COL7A1: variants seen among roughly 807,000 people sequenced by gnomAD.
COL7A1 encodes collagen type VII alpha 1 chain, also known as collagen alpha-1(VII) chain.
Under a neutral mutation model 456.2 loss-of-function variants are expected in COL7A1, and 296 were observed. The observed-to-expected ratio is 0.65, with a 90% confidence interval of 0.59 to 0.71. The LOEUF is 0.71. Ranked by LOEUF, COL7A1 falls within the 30% of genes least tolerant of loss-of-function variation. The probability of loss-of-function intolerance (pLI) is 0.00; values close to 1 mark genes in which losing one functional copy is unlikely to be tolerated. For missense variants in COL7A1, 3,441 were observed against 4,017.2 expected, an observed-to-expected ratio of 0.86 and a Z score of 3.88; for synonymous variants, 1,464 against 1,525.9, an observed-to-expected ratio of 0.96 and a Z score of 0.95.
In COL7A1 at chr3:48,594,966, C is replaced by T. The variant is rs1364826100; in HGVS notation, c.85+109G>A. On this transcript the variant is annotated intron_variant, in intron 2 of 118. Coordinates refer to ENST00000681320, the MANE Select transcript of COL7A1 (RefSeq NM_000094.4). The surrounding 1 kb of genome is among the most constrained non-coding windows in gnomAD (Gnocchi z 5.5). Reference sequence around the variant, plus strand: ...GAATTAGGAGGAATCCGCGGGGCGTCGTGGAGTTGGCTGGGTTGTGGGCGG... The same window carrying T: ...GAATTAGGAGGAATCCGCGGGGCGTTGTGGAGTTGGCTGGGTTGTGGGCGG... 2 of 901,752 alleles carry T rather than the reference C, an allele frequency of 2.2e-6. No homozygotes were observed. The highest frequency in any genetic ancestry group is 5.3e-5 in the East Asian group (2 of 37,500). The allele number at this position is 901,752 out of a possible 1,614,324, so 55.9% of individuals were successfully genotyped here.
In COL7A1 at chr3:48,574,621, C is replaced by T. The variant is rs1242773114; in HGVS notation, c.6393+56G>A. 3 of 1,613,000 alleles carry T rather than the reference C, an allele frequency of 1.9e-6. No homozygotes were observed. The East Asian group carries it at 6.7e-5, about 36-fold the overall frequency. On this transcript the variant is annotated intron_variant, in intron 78 of 118. Coordinates refer to ENST00000681320, the MANE Select transcript of COL7A1 (RefSeq NM_000094.4). This position sits in a 1 kb window ranked among gnomAD's most constrained non-coding sequence, Gnocchi z 5.0. ...GCCCAGGTGCATATGCACACCACCT[C>T]TAGTGTGCCCCCAGAAAGGAGGGGG...
chr3:48,569,231 G>T lies in COL7A1; in HGVS notation c.7686+144C>A. On this transcript the variant is annotated intron_variant, in intron 103 of 118. Coordinates refer to ENST00000681320, the MANE Select transcript of COL7A1 (RefSeq NM_000094.4). The surrounding 1 kb of genome is among the most constrained non-coding windows in gnomAD (Gnocchi z 4.9). ...AGCCCTCCCTAGAGCCCCTCCTCTC[G>T]GCCACTCCATAGTCAGCCACAGAAC... 1 of 1,008,078 alleles carries T rather than the reference G, an allele frequency of 9.9e-7. No individual in the cohort carries two copies. The highest frequency in any genetic ancestry group is 1.5e-6 in the Non-Finnish European group (1 of 649,726). 62.4% of individuals were successfully genotyped at this position (1,008,078 alleles called of 1,614,324 possible). A position where few individuals can be genotyped will look rare whatever the true frequency, so the allele number is the denominator to read the frequency against.
Position 48,565,544 on chromosome 3 carries a change from G to T in COL7A1, c.8441-48C>A, listed in dbSNP as rs1278505525. The T allele has an allele frequency of 8.1e-6, 13 of 1,613,620 alleles. No individual in the cohort carries two copies. The highest frequency in any genetic ancestry group is 5.3e-5 in the African/African-American group (4 of 74,914). On this transcript the variant is annotated intron_variant, in intron 115 of 118. Transcript: ENST00000681320. The surrounding 1 kb of genome is among the most constrained non-coding windows in gnomAD (Gnocchi z 4.5). ...CAGGGCCCTGAAGTCACCATGGGCA[G>T]CCATCCCAGCCAACCCCCCTGAGAG...
rs746137913 is a variant in COL7A1, at chr3:48,591,761, C to A, written c.1419G>T (p.Gly473=). ...GGCGGTACTCAGTGCCCGGCTGCAG[C>A]CCATCCAACTGGTAGCGGGTCACAT... ...PSDVTRYQLD[G]LQPGTEYRLT... The change falls in exon 12 of 119, where the codon GGG becomes GGT. Residue 473 remains glycine, a synonymous_variant. Coordinates refer to ENST00000681320, the MANE Select transcript of COL7A1 (RefSeq NM_000094.4). The surrounding 1 kb of genome is among the most constrained non-coding windows in gnomAD (Gnocchi z 7.0). 2.5e-6 allele frequency: 4 copies of A among 1,614,186 alleles called. No homozygotes were observed. The highest frequency in any genetic ancestry group is 3.3e-5 in the Admixed American group (2 of 60,026).
At position 48,587,884 on chromosome 3, in the gene COL7A1, G is replaced by A. The variant is rs201424023; in HGVS notation, c.2766C>T (p.Asp922=). 2.3e-4 allele frequency: 371 copies of A among 1,611,302 alleles called. 5 individuals carry two copies. In the South Asian group the frequency reaches 2.7e-3, roughly 12 times the overall value. ...LGPELSSYHL[D]GLEPATQYRV... ...GGTACTGTGTCGCTGGCTCCAGCCC[G>A]TCCAGGTGATAGCTGCTGAGCTCGG... Residue 922 remains aspartate, a synonymous_variant, in exon 22 of 119, where the codon GAC becomes GAT. Transcript: ENST00000681320. This position sits in a 1 kb window ranked among gnomAD's most constrained non-coding sequence, Gnocchi z 6.1.
In COL7A1 at chr3:48,583,814, AC is replaced by A; in HGVS notation, c.4279-35del. 6.2e-7 allele frequency: 1 copy of A among 1,613,604 alleles called. No homozygotes were observed. Reference sequence around the variant, plus strand: ...AAGTGAGTAAAAATATGAGCCAAGAACTATGAAGCCCAGCACCCAACCACTG... The same window carrying A: ...AAGTGAGTAAAAATATGAGCCAAGAATATGAAGCCCAGCACCCAACCACTG... On this transcript the variant is annotated intron_variant, in intron 39 of 118. Transcript: ENST00000681320. The surrounding 1 kb of genome is among the most constrained non-coding windows in gnomAD (Gnocchi z 5.1).
rs756690615 is a variant in COL7A1, at chr3:48,576,767, C to T, written c.5609G>A (p.Arg1870His). Residue 1870 changes from arginine to histidine, a missense_variant, in exon 68 of 119, where the codon CGT (arginine) becomes CAT (histidine). By Grantham distance (29) the Arg-to-His change is conservative. This residue lies in a region of COL7A1 where 2,084 missense variants were observed against 2,501.3 expected (regional missense o/e 0.83). Transcript: ENST00000681320. ...GDSGASGREG[R>H]DGPKGERGAP... ...TCCACGCTCACCCTTGGGGCCATCA[C>T]GACCCTGTGAAGGATGCAGCCAGCA... 1.1e-4 allele frequency: 178 copies of T among 1,613,360 alleles called. No individual in the cohort carries two copies. The highest frequency in any genetic ancestry group is 4.9e-4 in the Middle Eastern group (3 of 6,082).
chr3:48,575,856 AAAC>A lies in COL7A1; in HGVS notation c.5856+8_5856+10del. The A allele has an allele frequency of 1.2e-6, 2 of 1,614,062 alleles. No homozygotes were observed. The highest frequency in any genetic ancestry group is 1.7e-6 in the Non-Finnish European group (2 of 1,180,010). ...CCACTTGTCCCTACCCCCAGCCCCTAAACAACCCACCTTGATGCCAGCAGTTTC... is the reference window on the plus strand; with the variant it reads ...CCACTTGTCCCTACCCCCAGCCCCTAAACCCACCTTGATGCCAGCAGTTTC... On this transcript the variant is annotated splice_region_variant and intron_variant, in intron 72 of 118. Coordinates refer to ENST00000681320, the MANE Select transcript of COL7A1 (RefSeq NM_000094.4). This position sits in a 1 kb window ranked among gnomAD's most constrained non-coding sequence, Gnocchi z 6.3.
At position 48,573,191 on chromosome 3, in the gene COL7A1, CG is replaced by C. The variant is rs749256529; in HGVS notation, c.6696del (p.Gly2233AlafsTer155). On this transcript the variant is annotated frameshift_variant, in exon 85 of 119. Transcript: ENST00000681320. LOFTEE classifies it high-confidence loss of function. This position sits in a 1 kb window ranked among gnomAD's most constrained non-coding sequence, Gnocchi z 5.5. The stretch of plus-strand genomic sequence containing the variant: ...TCACTCACCACAAGGCCTGAAGGGC[CG>C]GGGGGTCCAGGAAGTCCCACAGCTC... ...PTGAVGLPGP[P>X]GPSGLVGPQG... 1 of 1,614,054 alleles carries C rather than the reference CG, an allele frequency of 6.2e-7. No homozygotes were observed. Among genetic ancestry groups the C allele is most frequent in the Non-Finnish European group, 8.5e-7 (1 of 1,179,976 alleles).
chr3:48,574,503 A>C lies in COL7A1; in HGVS notation c.6441T>G (p.Gly2147=), dbSNP rs2044155068. 6.2e-7 allele frequency: 1 copy of C among 1,613,704 alleles called. No individual in the cohort carries two copies. The highest frequency in any genetic ancestry group is 1.1e-5 in the South Asian group (1 of 91,044). ...AAGGACTTACCGGGTTGCCGTCCTG[A>C]CCCCTCGGTCCAGGCTCTCCCCGGT... ...KGDRGEPGPR[G]QDGNPGLPGE... The change falls in exon 79 of 119, where the codon GGT becomes GGG. Residue 2147 remains glycine (G), a synonymous_variant. Transcript: ENST00000681320. The surrounding 1 kb of genome is among the most constrained non-coding windows in gnomAD (Gnocchi z 5.0).
In COL7A1 at chr3:48,564,341, A is replaced by C; in HGVS notation, c.*65T>G. ...AGCCTCTAGCACCAAGGGGAGGGAC[A>C]GTGGGGTTCTGCTGAGACCCCGACT... On this transcript the variant is annotated 3_prime_UTR_variant, in exon 119 of 119. Transcript: ENST00000681320. The surrounding 1 kb of genome is among the most constrained non-coding windows in gnomAD (Gnocchi z 6.0). The C allele has an allele frequency of 6.4e-7, 1 of 1,574,656 alleles. No homozygotes were observed. Among genetic ancestry groups the C allele is most frequent in the Non-Finnish European group, 8.7e-7 (1 of 1,144,732 alleles).
Position 48,574,497 on chromosome 3 carries a change from G to A in COL7A1, c.6447C>T (p.Asp2149=), listed in dbSNP as rs199843749. The A allele has an allele frequency of 1.5e-5, 24 of 1,614,080 alleles. No homozygotes were observed. The highest frequency in any genetic ancestry group is 1.7e-5 in the Admixed American group (1 of 60,024). ...DRGEPGPRGQ[D]GNPGLPGERG... is the part of the protein sequence containing the mutation. The stretch of plus-strand genomic sequence containing the variant: ...TTGGGCAAGGACTTACCGGGTTGCC[G>A]TCCTGACCCCTCGGTCCAGGCTCTC... The change falls in exon 79 of 119, where the codon GAC becomes GAT. Residue 2149 remains aspartate (D), a synonymous_variant. Transcript: ENST00000681320. This position sits in a 1 kb window ranked among gnomAD's most constrained non-coding sequence, Gnocchi z 5.0.
In COL7A1 at chr3:48,586,666, A is replaced by G. The variant is rs897970329; in HGVS notation, c.3300T>C (p.His1100=). ...TCAGTGGGAACAGTGGGGAGGGCCG[A>G]TGACTGTAAGACAGCAGGCCAACCT... is the stretch of plus-strand genomic sequence containing the variant. ...AVQVGLLSYS[H]RPSPLFPLNG... is the part of the protein sequence containing the mutation. The change falls in exon 26 of 119, where the codon CAT becomes CAC. Residue 1100 remains histidine (H), a synonymous_variant. Transcript: ENST00000681320. This position sits in a 1 kb window ranked among gnomAD's most constrained non-coding sequence, Gnocchi z 5.1. The G allele has an allele frequency of 6.2e-7, 1 of 1,605,896 alleles. No individual in the cohort carries two copies. The highest frequency in any genetic ancestry group is 8.5e-7 in the Non-Finnish European group (1 of 1,176,148).
Position 48,593,378 on chromosome 3 carries a change from C to T in COL7A1, c.498G>A (p.Gln166=), listed in dbSNP as rs953698548. 1.2e-6 allele frequency: 2 copies of T among 1,614,162 alleles called. No individual in the cohort carries two copies. The highest frequency in any genetic ancestry group is 2.2e-5 in the South Asian group (2 of 91,078). ...VDTAAQRLKG[Q]GVKLFAVGIK... ...TACCCACAGCAAATAGCTTGACCCC[C>T]TGCCCCTTCAGCCTTTGGGCAGCTG... Residue 166 remains glutamine (Q), a synonymous_variant, in exon 5 of 119, where the codon CAG becomes CAA. Coordinates refer to ENST00000681320, the MANE Select transcript of COL7A1 (RefSeq NM_000094.4). This position sits in a 1 kb window ranked among gnomAD's most constrained non-coding sequence, Gnocchi z 4.4.
rs1482531950 is a variant in COL7A1, at chr3:48,593,706, G to A, written c.267-10C>T. 1.2e-6 allele frequency: 2 copies of A among 1,614,062 alleles called. No individual in the cohort carries two copies. Among genetic ancestry groups the A allele is most frequent in the Non-Finnish European group, 1.7e-6 (2 of 1,180,008 alleles). On this transcript the variant is annotated splice_polypyrimidine_tract_variant and intron_variant, in intron 3 of 118. Coordinates refer to ENST00000681320, the MANE Select transcript of COL7A1 (RefSeq NM_000094.4). This position sits in a 1 kb window ranked among gnomAD's most constrained non-coding sequence, Gnocchi z 4.4. ...CAGGCCGAACTCTGTCCTGTTGGAG[G>A]GTAGGGGTGGCAACAGGCTAGGACT...
At position 48,568,766 on chromosome 3, in the gene COL7A1, G is replaced by C; in HGVS notation, c.7758+18C>G. 6.4e-7 allele frequency: 1 copy of C among 1,559,924 alleles called. No homozygotes were observed. Among genetic ancestry groups the C allele is most frequent in the Non-Finnish European group, 8.7e-7 (1 of 1,151,384 alleles). On this transcript the variant is annotated intron_variant, in intron 104 of 118. Transcript: ENST00000681320. The surrounding 1 kb of genome is among the most constrained non-coding windows in gnomAD (Gnocchi z 5.2). ...GCTCTGGACCTGGGCCTGGGCCTGG[G>C]CCTGGGGCAGAACTTGCCTGGGGTC...
intron 38 of COL7A1, 25 bp downstream of exon 38, chr3:48,584,010 C>A (rs151133239): frequency 3.0e-5 from 48 of 1,614,048 alleles, no homozygotes; most frequent in Middle Eastern, 3.3e-4. Flanking sequence ...CAAGCCACCC[C>A]TAGCACAACC....
At position 48,567,787 on chromosome 3, in the gene COL7A1, G is replaced by A. The variant is rs1429210867; in HGVS notation, c.7930-24C>T. The A allele has an allele frequency of 6.2e-7, 1 of 1,614,158 alleles. No homozygotes were observed. On this transcript the variant is annotated intron_variant, in intron 107 of 118. Transcript: ENST00000681320. This position sits in a 1 kb window ranked among gnomAD's most constrained non-coding sequence, Gnocchi z 4.3. ...CCCTGCAGGCATCAGGCAGTGGGGT[G>A]AGCCTTAGGCCCCAGGCCACGTAGC...
Position 48,568,981 on chromosome 3 carries a change from C to T in COL7A1, c.7687-126G>A, listed in dbSNP as rs1030872198. Reference sequence around the variant, plus strand: ...CGAACGGCCCTAGCAGCACGTCCTCCCAGCCTGTGCCATAGCGGGTGGAAC... The same window carrying T: ...CGAACGGCCCTAGCAGCACGTCCTCTCAGCCTGTGCCATAGCGGGTGGAAC... On this transcript the variant is annotated intron_variant, in intron 103 of 118. Coordinates refer to ENST00000681320, the MANE Select transcript of COL7A1 (RefSeq NM_000094.4). The surrounding 1 kb of genome is among the most constrained non-coding windows in gnomAD (Gnocchi z 5.2). 1.1e-6 allele frequency: 1 copy of T among 883,860 alleles called. No individual in the cohort carries two copies. Among genetic ancestry groups the T allele is most frequent in the African/African-American group, 1.7e-5 (1 of 60,548 alleles). 54.8% of individuals were successfully genotyped at this position (883,860 alleles called of 1,614,324 possible).
Sources: allele counts gnomAD v4.1 joint callset, GRCh38; gene constraint gnomAD v4.1.1; regional missense constraint gnomAD v4.1.1; non-coding constraint Gnocchi (gnomAD v3.1); transcripts MANE v1.5; gene names NCBI Gene and HGNC (gene_info 2026-07-23, HGNC 2026-07-21).